The following PHF24 variants were observed in gnomAD, a reference collection of about 807,000 sequenced individuals.
PHF24 encodes the protein Galpha inhibitory interacting protein.
Under a neutral mutation model 42.6 loss-of-function variants are expected in PHF24, and 25 were observed. That is an observed-to-expected ratio of 0.59 (90% CI 0.43 to 0.82). The LOEUF (loss-of-function observed/expected upper bound fraction) is 0.82, where lower values mean the gene tolerates loss of function less well. Ranked by LOEUF, PHF24 falls within the 40% of genes least tolerant of loss-of-function variation. PHF24 has a pLI of 0.00. For missense variants in PHF24, 470 were observed against 538.1 expected, an observed-to-expected ratio of 0.87 and a Z score of 1.25; for synonymous variants, 185 against 204.8, an observed-to-expected ratio of 0.90 and a Z score of 0.83.
chr9:34,773,398 T>G, the PHF24 span, among the ~76,000 whole-genome samples: 1 of 151,912 alleles, frequency 6.6e-6, no homozygotes, highest in Non-Finnish European at 1.5e-5. Flanking sequence ...GCTTGAAGCA[T>G]CTTCTAGTGC....
At chr9:34,700,339 C>T in the PHF24 span, among the ~76,000 whole-genome samples, 15 of 152,142 alleles carry the variant, frequency 9.9e-5, no homozygotes, top group African/African-American at 2.9e-4. Context: ...GGGTGGAGGC[C>T]GTTGCAACAA....
the PHF24 span, among the ~76,000 whole-genome samples, chr9:34,841,655 T>C: frequency 6.6e-6 from 1 of 152,068 alleles, no homozygotes; most frequent in Admixed American, 6.6e-5. Flanking sequence ...GTCAGGGGTT[T>C]AAGACTAGCC....
chr9:34,801,890 C>T, the PHF24 span, among the ~76,000 whole-genome samples: 4 of 138,330 alleles, frequency 2.9e-5, no homozygotes, highest in South Asian at 4.5e-4. Flanking sequence ...AGGGGAACAA[C>T]AGACCGTGGG....
At chr9:34,863,454 T>C in the PHF24 span, among the ~76,000 whole-genome samples, 1 of 149,586 alleles carries the variant, frequency 6.7e-6, no homozygotes. Context: ...AGAGAGAGAC[T>C]CCATTTATTT....
At chr9:34,766,412 T>C in the PHF24 span, among the ~76,000 whole-genome samples, 1 of 152,208 alleles carries the variant, frequency 6.6e-6, no homozygotes, top group African/African-American at 2.4e-5. Context: ...TTTTATTCTT[T>C]TTTCTCTAAA....
chr9:34,920,176 G>T, the PHF24 span, among the ~76,000 whole-genome samples: 1 of 152,186 alleles, frequency 6.6e-6, no homozygotes, highest in Non-Finnish European at 1.5e-5. Flanking sequence ...CTCACCAACA[G>T]TGTAGGAGGG....
At chr9:34,806,100 A>T in the PHF24 span, among the ~76,000 whole-genome samples, 1 of 152,214 alleles carries the variant, frequency 6.6e-6, no homozygotes, top group South Asian at 2.1e-4. Flanking sequence ...TGCCAGTACC[A>T]CACTGACTTA....
chr9:34,937,597 G>A, the PHF24 span, among the ~76,000 whole-genome samples: 5 of 149,236 alleles, frequency 3.4e-5, no homozygotes, highest in Admixed American at 1.4e-4. Context: ...CTATTGTCCT[G>A]TGACCCTGCC....
the PHF24 span, among the ~76,000 whole-genome samples, chr9:34,738,027 A>G: frequency 8.1e-6 from 1 of 122,840 alleles, no homozygotes; most frequent in Admixed American, 8.2e-5. Context: ...CCAGAAGATT[A>G]TGCAGAGAGA....
At chr9:34,859,739 A>T in the PHF24 span, among the ~76,000 whole-genome samples, 1 of 152,088 alleles carries the variant, frequency 6.6e-6, no homozygotes, top group African/African-American at 2.4e-5. Flanking sequence ...ACTATTTAGG[A>T]TTAATTTTTA....
chr9:34,896,894 A>G, the PHF24 span, among the ~76,000 whole-genome samples: 1 of 152,094 alleles, frequency 6.6e-6, no homozygotes, highest in East Asian at 1.9e-4. Context: ...GGCGGCTCAC[A>G]CCTGTAATCC....
exon 5 of PHF24, chr9:34,976,687 C>T: frequency 8.7e-6 from 14 of 1,614,190 alleles, no homozygotes; most frequent in Non-Finnish European, 1.2e-5. Context: ...CATAGAGTGG[C>T]CTGACTTCTT....
chr9:34,967,974 CAA>C (rs796930813), intron 1 of PHF24, among the ~76,000 whole-genome samples: 3 of 152,230 alleles, frequency 2.0e-5, no homozygotes, highest in African/African-American at 7.2e-5. Context: ...GGACCCAAAA[CAA>C]AAACAAGTCA....
chr9:34,937,399 T>C, the PHF24 span, among the ~76,000 whole-genome samples: 2 of 152,144 alleles, frequency 1.3e-5, no homozygotes, highest in South Asian at 4.1e-4. Context: ...CAGGGTTGAA[T>C]GGATTAAGGG....
At chr9:34,810,256 G>A in the PHF24 span, among the ~76,000 whole-genome samples, 1 of 152,166 alleles carries the variant, frequency 6.6e-6, no homozygotes, top group Non-Finnish European at 1.5e-5. Flanking sequence ...GCTTGCGTGG[G>A]AGCTGCCTCC....
the PHF24 span, among the ~76,000 whole-genome samples, chr9:34,740,531 T>C: frequency 0.01 from 1,559 of 152,264 alleles, 8 homozygotes; most frequent in Non-Finnish European, 0.016. Flanking sequence ...CTGCTCCGAG[T>C]GCAGGGCCCG....
the PHF24 span, among the ~76,000 whole-genome samples, chr9:34,909,722 C>A: frequency 1.3e-5 from 2 of 151,598 alleles, no homozygotes; most frequent in South Asian, 2.1e-4. Flanking sequence ...CCCGGGCTCA[C>A]GCCATTCTCC....
the PHF24 span, among the ~76,000 whole-genome samples, chr9:34,695,180 G>T: frequency 6.6e-6 from 1 of 152,158 alleles, no homozygotes; most frequent in East Asian, 1.9e-4. Context: ...GGGAAGAGGG[G>T]TTGAAACTTG....
chr9:34,720,028 T>C, the PHF24 span, among the ~76,000 whole-genome samples: 1 of 152,238 alleles, frequency 6.6e-6, no homozygotes, highest in South Asian at 2.1e-4. Flanking sequence ...AGTGGACACA[T>C]TGTGCTAAAT....
Sources: allele counts gnomAD v4.1 joint callset (sites outside exome capture counted in the v4.1 genomes callset), GRCh38; gene constraint gnomAD v4.1.1; transcripts MANE v1.5; gene names NCBI Gene and HGNC (gene_info 2026-07-23, HGNC 2026-07-21).